XPO7: variants seen among roughly 807,000 people sequenced by gnomAD.
XPO7 encodes the protein exportin 7, also known as exportin-7.
XPO7 carries 21 observed loss-of-function variants against 144.3 expected under a neutral mutation model. The observed-to-expected ratio is 0.15, with a 90% CI of 0.10 to 0.21. XPO7 has a LOEUF of 0.21. XPO7 is among the 10% of genes least tolerant of loss of function. The probability of loss-of-function intolerance (pLI) is 1.00; values close to 1 mark genes in which losing one functional copy is unlikely to be tolerated. For missense variants in XPO7, 808 were observed against 1,325.8 expected, an observed-to-expected ratio of 0.61 and a Z score of 6.06; for synonymous variants, 580 against 499.6, an observed-to-expected ratio of 1.16 and a Z score of -2.15.
intron 1 of XPO7, among the ~76,000 whole-genome samples, chr8:21,948,984 C>T (rs912201381): frequency 6.6e-6 from 1 of 152,106 alleles, no homozygotes; most frequent in Non-Finnish European, 1.5e-5. Context: ...GAAATATGCC[C>T]CTCAGTCTGT....
At chr8:21,969,347 C>G (rs967278995) in intron 2 of XPO7, 136 bp from the exon 3 acceptor site, 4 of 679,082 alleles carry the variant, frequency 5.9e-6, no homozygotes, top group African/African-American at 3.6e-5. Context: ...AGCAGTAGAC[C>G]CTCTAAAATC....
chr8:21,928,866 C>T (rs1810546476), intron 1 of XPO7, among the ~76,000 whole-genome samples: 1 of 152,152 alleles, frequency 6.6e-6, no homozygotes, highest in African/African-American at 2.4e-5. Flanking sequence ...TCTATGTATC[C>T]CGTATGGCTA....
chr8:21,933,501 A>G (rs1024344861), intron 1 of XPO7, among the ~76,000 whole-genome samples: 1 of 152,180 alleles, frequency 6.6e-6, no homozygotes, highest in South Asian at 2.1e-4. Flanking sequence ...TCAAGGCTAT[A>G]TATATCATTA....
chr8:21,988,967 G>A, intron 15 of XPO7, 36 bp from the exon 16 acceptor site: 1 of 1,597,344 alleles, frequency 6.3e-7, no homozygotes, highest in Non-Finnish European at 8.5e-7. Context: ...CAAATCAAAA[G>A]GGTCTCCTGC....
chr8:21,992,804 A>C (rs1812814260), intron 19 of XPO7, among the ~76,000 whole-genome samples: 1 of 152,138 alleles, frequency 6.6e-6, no homozygotes, highest in South Asian at 2.1e-4. Context: ...TTTTTACTTC[A>C]TACATACTGT....
rs761289661 is a variant in XPO7, at chr8:21,976,525, A to T, written c.763+4A>T. Reference sequence around the variant, plus strand: ...ATTCCCACCAGCTGGAGATCAGGTAACAGAACTTCCTCCACCTCAAAGGCT... The same window carrying T: ...ATTCCCACCAGCTGGAGATCAGGTATCAGAACTTCCTCCACCTCAAAGGCT... On this transcript the variant is annotated splice_donor_region_variant and intron_variant, in intron 7 of 27. Transcript: ENST00000252512. 6 of 1,608,930 alleles carry T rather than the reference A, an allele frequency of 3.7e-6. No individual in the cohort carries two copies. Among genetic ancestry groups the T allele is most frequent in the African/African-American group, 2.7e-5 (2 of 74,790 alleles).
intron 2 of XPO7, among the ~76,000 whole-genome samples, chr8:21,968,689 T>C (rs553293742): frequency 6.6e-6 from 1 of 152,362 alleles, no homozygotes; most frequent in Admixed American, 6.5e-5. Flanking sequence ...TTAAGGACTT[T>C]CTGTGTCATA....
intron 1 of XPO7, chr8:21,966,096 A>G: frequency 1.7e-6 from 1 of 585,084 alleles, no homozygotes; most frequent in Non-Finnish European, 3.0e-6. Flanking sequence ...TGACCAAAGC[A>G]CACACCCATA....
intron 1 of XPO7, among the ~76,000 whole-genome samples, chr8:21,952,732 C>T (rs1459551278): frequency 2.0e-5 from 3 of 152,142 alleles, no homozygotes; most frequent in Admixed American, 2.0e-4. Flanking sequence ...AGTGTTATAA[C>T]GCCTGTGTTT....
rs896581912 is a variant in XPO7 at position 22,006,066 on chromosome 8, C to G, written c.*978C>G. On this transcript the variant is annotated 3_prime_UTR_variant, in exon 28 of 28. Coordinates refer to ENST00000252512, the MANE Select transcript of XPO7 (RefSeq NM_015024.5). Reference sequence around the variant, plus strand: ...GCCAATAAATTTTAGTCTTCCCCAGCCCTCGAGGCAGTGTGTGTGGATGTA... The same window carrying G: ...GCCAATAAATTTTAGTCTTCCCCAGGCCTCGAGGCAGTGTGTGTGGATGTA... 3 of 152,218 alleles carry G rather than the reference C, an allele frequency of 2.0e-5. No individual in the cohort carries two copies. Among genetic ancestry groups the G allele is most frequent in the Non-Finnish European group, 2.9e-5 (2 of 68,048 alleles). The allele number at this position is 152,218 out of a possible 1,614,324, so 9.4% of individuals were successfully genotyped here.
chr8:21,989,545 C>T (rs1257361073), intron 16 of XPO7, among the ~76,000 whole-genome samples: 2 of 152,314 alleles, frequency 1.3e-5, no homozygotes, highest in East Asian at 3.9e-4. Context: ...GGCAGCTTTT[C>T]ACAACCAGGG....
chr8:21,919,754 A>C lies in XPO7; in HGVS notation c.-17A>C, dbSNP rs1193262063. 2 of 532,702 alleles carry C rather than the reference A, an allele frequency of 3.8e-6. No homozygotes were observed. Among genetic ancestry groups the C allele is most frequent in the Non-Finnish European group, 5.2e-6 (2 of 381,194 alleles). The allele number at this position is 532,702 out of a possible 1,614,324, so 33.0% of individuals were successfully genotyped here. A position where few individuals can be genotyped will look rare whatever the true frequency, so the allele number is the denominator to read the frequency against. On this transcript the variant is annotated 5_prime_UTR_variant, in exon 1 of 28. Coordinates refer to ENST00000252512, the MANE Select transcript of XPO7 (RefSeq NM_015024.5). ...TGGGGGGGAGGGGGGGCCGGAGAGG[A>C]GCATGAATGGAGCAAAATGGCGGAT...
At chr8:21,987,923 C>A in intron 15 of XPO7, 66 bp downstream of exon 15, 8 of 1,521,742 alleles carry the variant, frequency 5.3e-6, no homozygotes, top group Non-Finnish European at 7.2e-6. Context: ...AAAATGTGAT[C>A]TTGGCATTGT....
chr8:21,958,639 C>T (rs1307579408), intron 1 of XPO7, among the ~76,000 whole-genome samples: 1 of 151,034 alleles, frequency 6.6e-6, no homozygotes, highest in East Asian at 2.0e-4. Context: ...AAGGACCTTA[C>T]AGTTGTTTAG....
chr8:21,997,259 G>C (rs538855644), intron 21 of XPO7, among the ~76,000 whole-genome samples: 6 of 152,178 alleles, frequency 3.9e-5, no homozygotes, highest in Non-Finnish European at 8.8e-5. Flanking sequence ...CACTATGCCA[G>C]ACAAAATCTC....
chr8:21,988,569 G>C (rs974776321), intron 15 of XPO7: 1 of 173,366 alleles, frequency 5.8e-6, no homozygotes, highest in African/African-American at 2.4e-5. Flanking sequence ...AATTTAAGAT[G>C]GAAAAAGCAA....
At chr8:21,952,427 A>G (rs1247829754) in intron 1 of XPO7, among the ~76,000 whole-genome samples, 1 of 152,208 alleles carries the variant, frequency 6.6e-6, no homozygotes, top group African/African-American at 2.4e-5. Flanking sequence ...AGGGTAGAAC[A>G]CCAGAGAAGC....
At chr8:21,941,733 C>T (rs1267286415) in intron 1 of XPO7, among the ~76,000 whole-genome samples, 4 of 152,230 alleles carry the variant, frequency 2.6e-5, no homozygotes, top group East Asian at 1.9e-4. Flanking sequence ...AAGGTATTTT[C>T]GTTTGTTTGT....
At chr8:21,920,142 AG>A (rs1268165455) in intron 1 of XPO7, among the ~76,000 whole-genome samples, 5 of 126,590 alleles carry the variant, frequency 3.9e-5, no homozygotes, top group Non-Finnish European at 8.2e-5. Flanking sequence ...CGGTGAAGCG[AG>A]GGGGACCCCC....
Sources: gnomAD v4.1 joint callset for allele counts (sites outside exome capture counted in the v4.1 genomes callset) on GRCh38, gnomAD v4.1.1 for gene constraint, MANE v1.5 for transcripts, NCBI Gene and HGNC (gene_info 2026-07-23, HGNC 2026-07-21) for gene names.